Variants in PITPNM3 observed in about 807,000 individuals in gnomAD.
PITPNM3 encodes the protein membrane-associated phosphatidylinositol transfer protein 3.
A neutral mutation model predicts 102.0 loss-of-function variants in PITPNM3; 26 were observed. That is an observed-to-expected ratio of 0.25 (90% confidence interval 0.19 to 0.35). The LOEUF (loss-of-function observed/expected upper bound fraction) is 0.35, where lower values mean the gene tolerates loss of function less well. Among genes scored for constraint, PITPNM3 ranks in the 10% least tolerant of loss-of-function variants. The pLI is 1.00. For synonymous variants in PITPNM3, 578 were observed against 558.6 expected (o/e 1.03, Z -0.49); for missense variants, 1,083 against 1,346.1 (o/e 0.80, Z 3.06).
Position 6,532,123 on chromosome 17 carries a change from T to C in PITPNM3, c.118+5864A>G, listed in dbSNP as rs138887640. Among the ~76,000 whole-genome samples the C allele has an allele frequency of 1.6e-3, 232 of 148,572 alleles. No individual in the cohort carries two copies. The East Asian group carries it at 0.019, about 12-fold the overall frequency. ...CTCCGTCTAAAAAAAAAAAAAAAGA[T>C]GCCAAGCTCATTCCACCAATCAACA... On this transcript the variant is annotated intron_variant, in intron 2 of 19. Coordinates refer to ENST00000262483, the MANE Select transcript of PITPNM3 (RefSeq NM_031220.4).
chr17:6,494,953 C>T (rs1567675805), intron 4 of PITPNM3, among the ~76,000 whole-genome samples: 1 of 151,958 alleles, frequency 6.6e-6, no homozygotes, highest in African/African-American at 2.4e-5. Flanking sequence ...AACAACTCAC[C>T]TCTAAGCATA....
chr17:6,502,404 C>T (rs959764848), intron 4 of PITPNM3, among the ~76,000 whole-genome samples: 5 of 152,018 alleles, frequency 3.3e-5, no homozygotes, highest in African/African-American at 4.8e-5. Context: ...TGTAGTGAGC[C>T]GAGATCGTGC....
chr17:6,549,009 G>C (rs356044), intron 1 of PITPNM3, among the ~76,000 whole-genome samples: 91,335 of 151,964 alleles, frequency 0.6, 29,454 homozygotes, highest in African/African-American at 0.84. Flanking sequence ...CCCAGGTCTT[G>C]TAATAAACAG....
At chr17:6,532,493 C>T (rs950546251) in intron 2 of PITPNM3, among the ~76,000 whole-genome samples, 6 of 152,104 alleles carry the variant, frequency 3.9e-5, no homozygotes, top group African/African-American at 1.4e-4. Context: ...ATCCCTCCTC[C>T]CCCAACTCCC....
chr17:6,472,778 G>C lies in PITPNM3; in HGVS notation c.1308C>G (p.Cys436Trp), dbSNP rs148138690. ...ACSQVYSFFH[C>W]ADPSASRLEP... is the part of the protein sequence containing the mutation. Reference sequence around the variant, plus strand: ...CGAGCCGTGAGGCAGAGGGGTCTGCGCAATGGAAGAAGCTGTAGACCTGGC... The same window carrying C: ...CGAGCCGTGAGGCAGAGGGGTCTGCCCAATGGAAGAAGCTGTAGACCTGGC... The change falls in exon 11 of 20, where the codon TGC (cysteine) becomes TGG (tryptophan). Residue 436 changes from cysteine to tryptophan, a missense_variant. Physicochemically the swap from Cys to Trp is radical, Grantham distance 215 (BLOSUM62 -2). Around this residue, in one of 5 missense-constraint regions of PITPNM3, gnomAD observed 410 missense variants for 638.4 expected, o/e 0.64. Transcript: ENST00000262483. The surrounding 1 kb of genome is among the most constrained non-coding windows in gnomAD (Gnocchi z 4.1). 3 of 1,614,122 alleles carry C rather than the reference G, an allele frequency of 1.9e-6. No homozygotes were observed. The highest frequency in any genetic ancestry group is 8.5e-7 in the Non-Finnish European group (1 of 1,180,008).
Position 6,532,199 on chromosome 17 carries a change from C to T in PITPNM3, c.118+5788G>A, listed in dbSNP as rs144573294. Among the ~76,000 whole-genome samples the T allele has an allele frequency of 5.9e-5, 9 of 152,218 alleles. No individual in the cohort carries two copies. In the East Asian group the frequency reaches 1.7e-3, roughly 29 times the overall value. ...TAGAACACTCTTCCCCCTGGATTCG[C>T]AGGTGGCTCATTTCTCATTACTCAG... On this transcript the variant is annotated intron_variant, in intron 2 of 19. Coordinates refer to ENST00000262483, the MANE Select transcript of PITPNM3 (RefSeq NM_031220.4).
In PITPNM3 at chr17:6,478,156, C is replaced by T. The variant is rs1397597541; in HGVS notation, c.778-59G>A. ...CCACTGCTGACCCCTCACCCCCACA[C>T]CCGGCCAGAGCAGTGCTGCCTCCCC... On this transcript the variant is annotated intron_variant, in intron 7 of 19. Coordinates refer to ENST00000262483, the MANE Select transcript of PITPNM3 (RefSeq NM_031220.4). This position sits in a 1 kb window ranked among gnomAD's most constrained non-coding sequence, Gnocchi z 4.4. The T allele has an allele frequency of 1.1e-5, 17 of 1,607,192 alleles. No individual in the cohort carries two copies. The highest frequency in any genetic ancestry group is 1.4e-5 in the Non-Finnish European group (16 of 1,179,646).
intron 17 of PITPNM3, among the ~76,000 whole-genome samples, chr17:6,462,764 A>G (rs544725276): frequency 3.2e-4 from 49 of 152,292 alleles, no homozygotes; most frequent in Non-Finnish European, 5.1e-4. Context: ...GATGCTCTAC[A>G]CAAACTCAGG....
chr17:6,530,324 T>C (rs531864499), intron 2 of PITPNM3, among the ~76,000 whole-genome samples: 2 of 152,348 alleles, frequency 1.3e-5, no homozygotes, highest in Non-Finnish European at 2.9e-5. Context: ...CTGTGAGACC[T>C]GACCCTGACT....
intron 2 of PITPNM3, among the ~76,000 whole-genome samples, chr17:6,533,627 T>G (rs563235831): frequency 6.6e-6 from 1 of 152,036 alleles, no homozygotes; most frequent in Non-Finnish European, 1.5e-5. Context: ...GCTAATTTTT[T>G]TGTATCTTTA....
chr17:6,514,227 C>A (rs1457525527), intron 3 of PITPNM3, among the ~76,000 whole-genome samples: 1 of 150,626 alleles, frequency 6.6e-6, no homozygotes, highest in Admixed American at 6.6e-5. Flanking sequence ...CATATGGCAC[C>A]AAAAGGACAG....
chr17:6,553,980 C>T (rs1910458990), intron 1 of PITPNM3, among the ~76,000 whole-genome samples: 1 of 152,162 alleles, frequency 6.6e-6, no homozygotes, highest in Non-Finnish European at 1.5e-5. Flanking sequence ...CTCATACACA[C>T]ATTACTGTGT....
intron 4 of PITPNM3, among the ~76,000 whole-genome samples, chr17:6,485,177 T>G (rs1188170392): frequency 1.3e-5 from 2 of 150,698 alleles, no homozygotes; most frequent in Non-Finnish European, 3.0e-5. Flanking sequence ...TTTTTTTTTT[T>G]GATGGAGTTT....
chr17:6,481,808 T>A (rs1004867356), intron 6 of PITPNM3: 1 of 145,584 alleles, frequency 6.9e-6, no homozygotes, highest in Non-Finnish European at 1.5e-5. Context: ...GATGGATGGA[T>A]GGACGGATGG....
rs1026902440 is a variant in PITPNM3, at chr17:6,469,273, C to T, written c.1774-932G>A. Among the ~76,000 whole-genome samples, 4 of 152,148 alleles carry T rather than the reference C, an allele frequency of 2.6e-5. No homozygotes were observed. Among genetic ancestry groups the T allele is most frequent in the Non-Finnish European group, 4.4e-5 (3 of 68,024 alleles). Reference sequence around the variant, plus strand: ...CAGACTCCTCTACTCCCCTTCCGTCCCAGCAACTAAGAGGCAGCTCACACT... The same window carrying T: ...CAGACTCCTCTACTCCCCTTCCGTCTCAGCAACTAAGAGGCAGCTCACACT... On this transcript the variant is annotated intron_variant, in intron 13 of 19. Coordinates refer to ENST00000262483, the MANE Select transcript of PITPNM3 (RefSeq NM_031220.4). The surrounding 1 kb of genome is among the most constrained non-coding windows in gnomAD (Gnocchi z 4.0).
At chr17:6,529,421 C>G (rs1597405560) in intron 2 of PITPNM3, among the ~76,000 whole-genome samples, 1 of 151,892 alleles carries the variant, frequency 6.6e-6, no homozygotes, top group African/African-American at 2.4e-5. Context: ...GGTGAAACAC[C>G]ATCTCTACTA....
Position 6,478,530 on chromosome 17 carries a change from A to G in PITPNM3, c.777+17T>C, listed in dbSNP as rs1312486209. Reference sequence around the variant, plus strand: ...GGAACAGGGGAGGGGAGAGGAGGAGAGGGCAGGCTGTCCTACCTGCCCACT... The same window carrying G: ...GGAACAGGGGAGGGGAGAGGAGGAGGGGGCAGGCTGTCCTACCTGCCCACT... On this transcript the variant is annotated intron_variant, in intron 7 of 19. Coordinates refer to ENST00000262483, the MANE Select transcript of PITPNM3 (RefSeq NM_031220.4). The surrounding 1 kb of genome is among the most constrained non-coding windows in gnomAD (Gnocchi z 4.4). 2 of 1,612,750 alleles carry G rather than the reference A, an allele frequency of 1.2e-6. No individual in the cohort carries two copies. Among genetic ancestry groups the G allele is most frequent in the East Asian group, 2.2e-5 (1 of 44,876 alleles).
At chr17:6,511,107 C>T (rs1477212583) in intron 3 of PITPNM3, among the ~76,000 whole-genome samples, 3 of 152,198 alleles carry the variant, frequency 2.0e-5, no homozygotes, top group African/African-American at 7.2e-5. Flanking sequence ...CTGTTTGATT[C>T]CTGTAGTGAT....
rs1055248884 is a variant in PITPNM3, at chr17:6,457,265, G to C, written c.2619+329C>G. 1.3e-5 allele frequency among the ~76,000 whole-genome samples: 2 copies of C among 152,154 alleles called. No homozygotes were observed. Among genetic ancestry groups the C allele is most frequent in the Non-Finnish European group, 2.9e-5 (2 of 68,020 alleles). On this transcript the variant is annotated intron_variant, in intron 19 of 19. Transcript: ENST00000262483. The surrounding 1 kb of genome is among the most constrained non-coding windows in gnomAD (Gnocchi z 4.7). The stretch of plus-strand genomic sequence containing the variant: ...AAACCCAACCTTGCCCTGGAGTCTG[G>C]GTTAGCGGTCCCTCTCCAGGGCCCC...
Sources: gnomAD v4.1 joint callset for allele counts (sites outside exome capture counted in the v4.1 genomes callset) on GRCh38, gnomAD v4.1.1 for gene constraint, gnomAD v4.1.1 regional missense constraint, Gnocchi (gnomAD v3.1) non-coding constraint, MANE v1.5 for transcripts, NCBI Gene and HGNC (gene_info 2026-07-23, HGNC 2026-07-21) for gene names.